EEF2: variants seen among roughly 807,000 people sequenced by gnomAD.
EEF2 encodes elongation factor 2.
In EEF2, 21 loss-of-function variants were observed where a neutral mutation model predicts 85.3. The ratio of observed to expected loss-of-function variants is 0.25; its 90% confidence interval spans 0.17 to 0.35. The LOEUF is 0.35. Among genes scored for constraint, EEF2 ranks in the 10% least tolerant of loss-of-function variants. The pLI, the probability that EEF2 is intolerant of heterozygous loss-of-function variation, is 1.00. For missense variants in EEF2, 825 were observed against 1,225.3 expected (o/e 0.67, Z 4.88); for synonymous variants, 723 against 508.8 (o/e 1.42, Z -5.67).
intron 6 of EEF2, 65 bp downstream of exon 6, chr19:3,981,882 C>A: frequency 6.7e-7 from 1 of 1,491,520 alleles, no homozygotes. Context: ...GGCTACCGGC[C>A]GGAGCCCACA....
At position 3,977,414 on chromosome 19, in the gene EEF2, C is replaced by A; in HGVS notation, c.2250+14G>T. On this transcript the variant is annotated intron_variant, in intron 13 of 14. Transcript: ENST00000309311. This position sits in a 1 kb window ranked among gnomAD's most constrained non-coding sequence, Gnocchi z 5.4. Reference sequence around the variant, plus strand: ...GGACGGTGGCAGGGTCAGCGGTGGGCGGGTAGACCTCACCTGGATCTCCAC... The same window carrying A: ...GGACGGTGGCAGGGTCAGCGGTGGGAGGGTAGACCTCACCTGGATCTCCAC... The A allele has an allele frequency of 1.3e-6, 2 of 1,583,672 alleles. No individual in the cohort carries two copies. Among genetic ancestry groups the A allele is most frequent in the Non-Finnish European group, 1.7e-6 (2 of 1,164,296 alleles).
chr19:3,983,986 G>C (rs182474259), intron 2 of EEF2, 150 bp downstream of exon 2: 26 of 806,750 alleles, frequency 3.2e-5, no homozygotes, highest in Non-Finnish European at 4.3e-5. Flanking sequence ...ATCCTGTCTC[G>C]CTGGACTGAA....
In EEF2 at chr19:3,983,192, G is replaced by T. The variant is rs548237711; in HGVS notation, c.318C>A (p.Pro106=). The change falls in exon 3 of 15, where the codon CCC becomes CCA. Residue 106 remains proline (P), a synonymous_variant. Coordinates refer to ENST00000309311, the MANE Select transcript of EEF2 (RefSeq NM_001961.4). ...CCTCCGAGGAGAAGTCGACATGCCC[G>T]GGGGAGTCAATGAGGTTGATGAGGA... is the stretch of plus-strand genomic sequence containing the variant. ...AGFLINLIDS[P]GHVDFSSEVT... 2 of 1,614,002 alleles carry T rather than the reference G, an allele frequency of 1.2e-6. No homozygotes were observed. The highest frequency in any genetic ancestry group is 4.5e-5 in the East Asian group (2 of 44,870).
At chr19:3,979,712 A>C (rs960086204) in intron 10 of EEF2, 96 bp downstream of exon 10, 2 of 1,525,114 alleles carry the variant, frequency 1.3e-6, no homozygotes, top group Non-Finnish European at 1.8e-6. Context: ...CAGTCACCCC[A>C]ATCCACCAAC....
chr19:3,982,168 A>T, intron 5 of EEF2, 78 bp downstream of exon 5: 2 of 1,600,938 alleles, frequency 1.2e-6, no homozygotes, highest in East Asian at 4.5e-5. Context: ...CCACGCTGTG[A>T]ATAGCACACC....
intron 2 of EEF2, chr19:3,983,899 A>C: frequency 1.8e-6 from 1 of 557,874 alleles, no homozygotes. Context: ...TCCCCCAGGG[A>C]GGGAGAACCA....
Position 3,980,377 on chromosome 19 carries a change from G to C in EEF2, c.1346+137C>G, listed in dbSNP as rs539389804. 9.1e-5 allele frequency: 107 copies of C among 1,173,156 alleles called. No individual in the cohort carries two copies. In the South Asian group the frequency reaches 1.6e-3, roughly 18 times the overall value. 72.7% of individuals were successfully genotyped at this position (1,173,156 alleles called of 1,614,324 possible). A position where few individuals can be genotyped will look rare whatever the true frequency, so the allele number is the denominator to read the frequency against. ...TGCCCTCACTGGGCTAAGAACAAAA[G>C]TTGTGGCTGGCACAAGTATCACCCT... On this transcript the variant is annotated intron_variant, in intron 9 of 14. Coordinates refer to ENST00000309311, the MANE Select transcript of EEF2 (RefSeq NM_001961.4).
At chr19:3,981,301 G>T in intron 7 of EEF2, 38 bp downstream of exon 7, 1 of 1,587,828 alleles carries the variant, frequency 6.3e-7, no homozygotes, top group East Asian at 2.2e-5. Context: ...ACAGCAGCCT[G>T]TGTTCCCTCC....
chr19:3,982,570 A>T, intron 4 of EEF2, 146 bp from the exon 5 acceptor site: 2 of 1,189,698 alleles, frequency 1.7e-6, no homozygotes, highest in Non-Finnish European at 2.5e-6. Context: ...AGTCATCACG[A>T]ATAGGGGGGC....
At chr19:3,980,182 G>T (rs943557735) in intron 9 of EEF2, 116 bp from the exon 10 acceptor site, 3 of 1,429,132 alleles carry the variant, frequency 2.1e-6, no homozygotes, top group Non-Finnish European at 2.8e-6. Flanking sequence ...AGGGCAGACT[G>T]GTGGCTTCCA....
At chr19:3,981,886 G>A (rs1188678969) in intron 6 of EEF2, 61 bp downstream of exon 6, 7 of 1,513,118 alleles carry the variant, frequency 4.6e-6, no homozygotes, top group African/African-American at 2.8e-5. Context: ...ACCGGCCGGA[G>A]CCCACAGGGC....
intron 5 of EEF2, 45 bp from the exon 6 acceptor site, chr19:3,982,097 G>C (rs368121070): frequency 6.6e-4 from 1,060 of 1,607,830 alleles, no homozygotes; most frequent in Non-Finnish European, 8.7e-4. Context: ...GTCTCCAGGG[G>C]ATGACTTGGG....
At chr19:3,984,099 C>T (rs1172105970) in intron 2 of EEF2, 37 bp downstream of exon 2, 2 of 1,601,358 alleles carry the variant, frequency 1.2e-6, no homozygotes, top group Non-Finnish European at 1.7e-6. Flanking sequence ...CAGGCCAGCA[C>T]CTCCCTGCCT....
At position 3,977,533 on chromosome 19, in the gene EEF2, G is replaced by A. The variant is rs1447004518; in HGVS notation, c.2145C>T (p.His715=). Residue 715 remains histidine, a synonymous_variant, in exon 13 of 15, where the codon CAC becomes CAT. Transcript: ENST00000309311. The surrounding 1 kb of genome is among the most constrained non-coding windows in gnomAD (Gnocchi z 5.4). ...HDVTLHADAI[H]RGGGQIIPTA... ...TGGGGATGATCTGGCCCCCTCCGCGGTGGATGGCGTCGGCGTGCAGGGTGA... is the reference window on the plus strand; with the variant it reads ...TGGGGATGATCTGGCCCCCTCCGCGATGGATGGCGTCGGCGTGCAGGGTGA... 6.3e-7 allele frequency: 1 copy of A among 1,589,576 alleles called. No individual in the cohort carries two copies. Among genetic ancestry groups the A allele is most frequent in the Admixed American group, 1.7e-5 (1 of 57,734 alleles).
intron 1 of EEF2, 169 bp downstream of exon 1, chr19:3,985,209 G>T: frequency 2.9e-6 from 2 of 678,426 alleles, no homozygotes; most frequent in Non-Finnish European, 4.3e-6. Flanking sequence ...GGTGAACAGC[G>T]CGGCGCACAG....
chr19:3,980,693 G>A lies in EEF2; in HGVS notation c.1167C>T (p.Asp389=), dbSNP rs760459350. 3 of 1,613,620 alleles carry A rather than the reference G, an allele frequency of 1.9e-6. No individual in the cohort carries two copies. The highest frequency in any genetic ancestry group is 2.5e-6 in the Non-Finnish European group (3 of 1,179,578). Residue 389 remains aspartate, a synonymous_variant, in exon 9 of 15, where the codon GAC becomes GAT. Coordinates refer to ENST00000309311, the MANE Select transcript of EEF2 (RefSeq NM_001961.4). ...TATACATCATAAGAGGGCCTTTGGG[G>A]TCACAGCTTTTAATGCCTGAGGGAC... is the stretch of plus-strand genomic sequence containing the variant. ...DEAAMGIKSC[D]PKGPLMMYIS...
rs570368572 is a variant in EEF2 at position 3,980,111 on chromosome 19, C to T, written c.1347-45G>A. ...GCAGCAGGCCGCAGGGATGGTTGTGCTGGACCCTGGAGGGCCAGGGCAGGT... is the reference window on the plus strand; with the variant it reads ...GCAGCAGGCCGCAGGGATGGTTGTGTTGGACCCTGGAGGGCCAGGGCAGGT... On this transcript the variant is annotated intron_variant, in intron 9 of 14. Coordinates refer to ENST00000309311, the MANE Select transcript of EEF2 (RefSeq NM_001961.4). 1.8e-4 allele frequency: 283 copies of T among 1,587,280 alleles called. 3 individuals carry two copies. The South Asian group carries it at 3.0e-3, about 17-fold the overall frequency.
chr19:3,981,520 C>T (rs530942528), intron 6 of EEF2, 68 bp from the exon 7 acceptor site: 3 of 1,466,190 alleles, frequency 2.0e-6, no homozygotes, highest in African/African-American at 1.4e-5. Flanking sequence ...GCACTGCTTC[C>T]TGCTTGGAAG....
rs536497175 is a variant in EEF2, at chr19:3,977,414, C to T, written c.2250+14G>A. On this transcript the variant is annotated intron_variant, in intron 13 of 14. Coordinates refer to ENST00000309311, the MANE Select transcript of EEF2 (RefSeq NM_001961.4). This position sits in a 1 kb window ranked among gnomAD's most constrained non-coding sequence, Gnocchi z 5.4. ...GGACGGTGGCAGGGTCAGCGGTGGG[C>T]GGGTAGACCTCACCTGGATCTCCAC... The T allele has an allele frequency of 4.0e-5, 64 of 1,583,670 alleles. No individual in the cohort carries two copies. The highest frequency in any genetic ancestry group is 2.4e-4 in the South Asian group (21 of 87,442).
Sources: allele counts gnomAD v4.1 joint callset, GRCh38; gene constraint gnomAD v4.1.1; non-coding constraint Gnocchi (gnomAD v3.1); transcripts MANE v1.5; gene names NCBI Gene and HGNC (gene_info 2026-07-23, HGNC 2026-07-21).